Variants in OR1F1 observed in about 807,000 individuals in gnomAD.
OR1F1 encodes olfactory receptor family 1 subfamily F member 1.
For synonymous variants in OR1F1, 184 were observed against 156.7 expected (o/e 1.17, Z -1.30); for missense variants, 493 against 376.3 (o/e 1.31, Z -2.57).
chr16:3,195,309 G>C, the OR1F1 span, among the ~76,000 whole-genome samples: 1 of 152,132 alleles, frequency 6.6e-6, no homozygotes, highest in Admixed American at 6.6e-5. Context: ...CAGAAAAAAA[G>C]GCAAAAAACA....
the OR1F1 span, among the ~76,000 whole-genome samples, chr16:3,196,308 T>C: frequency 6.6e-6 from 1 of 152,180 alleles, no homozygotes; most frequent in African/African-American, 2.4e-5. Context: ...CAGTGAAAGT[T>C]TTTGGATGAA....
chr16:3,191,074 C>T, the OR1F1 span, among the ~76,000 whole-genome samples: 1 of 152,168 alleles, frequency 6.6e-6, no homozygotes, highest in South Asian at 2.1e-4. Context: ...TGTGAGCTCC[C>T]AGTGAGCTTC....
chr16:3,193,526 T>A, the OR1F1 span, among the ~76,000 whole-genome samples: 1 of 152,186 alleles, frequency 6.6e-6, no homozygotes, highest in African/African-American at 2.4e-5. Flanking sequence ...CTACGGGGAA[T>A]GGGAGTTTTC....
downstream of OR1F1, among the ~76,000 whole-genome samples, chr16:3,206,423 T>C (rs558346665): frequency 1.8e-4 from 28 of 152,306 alleles, no homozygotes; most frequent in Middle Eastern, 3.4e-3. Flanking sequence ...CTTTGACACC[T>C]GTGATCTCTG....
At chr16:3,196,015 C>G in the OR1F1 span, among the ~76,000 whole-genome samples, 2 of 152,232 alleles carry the variant, frequency 1.3e-5, no homozygotes, top group Admixed American at 1.3e-4. Flanking sequence ...ACGCGTGGGT[C>G]ACGTCTCTCC....
chr16:3,203,451 C>G (rs1489303416), upstream of OR1F1, among the ~76,000 whole-genome samples: 2 of 152,240 alleles, frequency 1.3e-5, no homozygotes, highest in East Asian at 3.8e-4. Context: ...ACAGTGAGGA[C>G]TGCTGCTCTT....
At chr16:3,188,458 AG>A in the OR1F1 span, 1 of 152,272 alleles carries the variant, frequency 6.6e-6, no homozygotes, top group Non-Finnish European at 1.5e-5. Flanking sequence ...AGGATTCCAG[AG>A]TATGGCTGCT....
the OR1F1 span, chr16:3,189,639 G>C: frequency 6.6e-6 from 1 of 152,186 alleles, no homozygotes; most frequent in Non-Finnish European, 1.5e-5. Flanking sequence ...CGTGTGGCTC[G>C]TTGGTCTAGG....
chr16:3,204,930 C>G, exon 1 of OR1F1: 1 of 1,614,138 alleles, frequency 6.2e-7, no homozygotes, highest in African/African-American at 1.3e-5. Flanking sequence ...TCCTGAAGGT[C>G]CCATCCACAA....
At chr16:3,188,643 G>T in the OR1F1 span, among the ~76,000 whole-genome samples, 2 of 152,154 alleles carry the variant, frequency 1.3e-5, no homozygotes, top group Non-Finnish European at 2.9e-5. Context: ...CTCGGCCCTT[G>T]TCCCCACCCC....
the OR1F1 span, among the ~76,000 whole-genome samples, chr16:3,198,934 G>A: frequency 6.6e-6 from 1 of 151,170 alleles, no homozygotes; most frequent in African/African-American, 2.4e-5. Context: ...TCCAGCTTAG[G>A]TGACAGAGCA....
chr16:3,189,320 T>A, the OR1F1 span, among the ~76,000 whole-genome samples: 23 of 152,154 alleles, frequency 1.5e-4, no homozygotes, highest in African/African-American at 5.1e-4. Flanking sequence ...GAGGTTCCCA[T>A]GTCCTGCGGA....
At chr16:3,204,423 G>C in exon 1 of OR1F1, 1 of 1,614,076 alleles carries the variant, frequency 6.2e-7, no homozygotes, top group Non-Finnish European at 8.5e-7. Context: ...ACACCCCCAT[G>C]TACTTCTTCC....
exon 1 of OR1F1, chr16:3,204,840 A>G (rs1958184013): frequency 1.2e-6 from 2 of 1,614,028 alleles, no homozygotes; most frequent in Non-Finnish European, 8.5e-7. Flanking sequence ...ATGAGGTCAT[A>G]ATCCTTAGTG....
chr16:3,191,615 C>T, the OR1F1 span, among the ~76,000 whole-genome samples: 1 of 152,218 alleles, frequency 6.6e-6, no homozygotes, highest in East Asian at 1.9e-4. Flanking sequence ...TGGAAACAGC[C>T]AGCATTTAAT....
At chr16:3,197,277 C>A in the OR1F1 span, among the ~76,000 whole-genome samples, 1 of 152,052 alleles carries the variant, frequency 6.6e-6, no homozygotes, top group South Asian at 2.1e-4. Context: ...CCTCGGCCTC[C>A]CAAAGTGCTG....
chr16:3,205,247 T>A (rs1224338163), downstream of OR1F1: 1 of 1,181,942 alleles, frequency 8.5e-7, no homozygotes, highest in Non-Finnish European at 1.2e-6. Flanking sequence ...TTGAGTTTAA[T>A]GCAGTAGTTG....
chr16:3,204,591 A>G lies in OR1F1; in HGVS notation c.345A>G (p.Leu115=), dbSNP rs372434861. 3.1e-6 allele frequency: 5 copies of G among 1,614,066 alleles called. No individual in the cohort carries two copies. In the Admixed American group the frequency reaches 8.3e-5, roughly 27 times the overall value. The change falls in exon 1 of 1, where the codon CTA becomes CTG. Residue 115 remains leucine (L), a synonymous_variant. Coordinates refer to ENST00000304646, the Ensembl canonical transcript of OR1F1. ...TCGTGGACATGGACAATTTCCTCCT[A>G]GCTGTGATGGCCTATGACCACTTTG...
the OR1F1 span, among the ~76,000 whole-genome samples, chr16:3,190,994 T>A: frequency 6.6e-6 from 1 of 152,168 alleles, no homozygotes; most frequent in Non-Finnish European, 1.5e-5. Context: ...AAGCACACAG[T>A]AATGGAAACG....
Sources: gnomAD v4.1 joint callset for allele counts (sites outside exome capture counted in the v4.1 genomes callset) on GRCh38, gnomAD v4.1.1 for gene constraint, MANE v1.5 for transcripts, NCBI Gene and HGNC (gene_info 2026-07-23, HGNC 2026-07-21) for gene names.